Variants in ZFP42 observed in about 807,000 individuals in gnomAD.
The protein encoded by ZFP42 is zinc finger protein 42 homolog.
For missense variants in ZFP42, 438 were observed against 377.1 expected (o/e 1.16, Z -1.34); for synonymous variants, 175 against 144.6 (o/e 1.21, Z -1.51).
intron 1 of ZFP42, among the ~76,000 whole-genome samples, chr4:187,998,057 CTG>C (rs1309774934): frequency 2.0e-5 from 3 of 152,204 alleles, no homozygotes; most frequent in Admixed American, 1.3e-4. Context: ...TAAAAAGAGT[CTG>C]GGCGCGGTGG....
intron 1 of ZFP42, among the ~76,000 whole-genome samples, chr4:187,998,424 A>G (rs898773464): frequency 6.6e-5 from 10 of 152,194 alleles, no homozygotes; most frequent in African/African-American, 1.9e-4. Context: ...ATTTTTAAAT[A>G]AGTTCTAAAA....
At chr4:187,996,672 G>T (rs1340950212) in intron 1 of ZFP42, among the ~76,000 whole-genome samples, 4 of 152,086 alleles carry the variant, frequency 2.6e-5, no homozygotes, top group Non-Finnish European at 5.9e-5. Context: ...GAGCTGCAGG[G>T]CGAGGGGGTG....
intron 1 of ZFP42, among the ~76,000 whole-genome samples, chr4:187,997,006 CGTGGAGCG>C (rs1733607672): frequency 1.3e-4 from 9 of 68,470 alleles, no homozygotes; most frequent in African/African-American, 5.3e-4. Flanking sequence ...GAGCATGGAG[CGTGGAGCG>C]TGGAGCATGG....
At position 187,996,996 on chromosome 4, in the gene ZFP42, G is replaced by A. The variant is rs1431477696; in HGVS notation, c.-339+1156G>A. ...GCCCGCCATAGCTGTAGGGAGCATG[G>A]AGCATGGAGCGTGGAGCGTGGAGCA... On this transcript the variant is annotated intron_variant, in intron 1 of 3. Transcript: ENST00000326866. 5.3e-4 allele frequency among the ~76,000 whole-genome samples: 17 copies of A among 32,036 alleles called. No individual in the cohort carries two copies. The African/African-American group carries it at 6.9e-3, about 13-fold the overall frequency. 21.0% of individuals were successfully genotyped at this position (32,036 alleles called of 152,430 possible). A position where few individuals can be genotyped will look rare whatever the true frequency, so the allele number is the denominator to read the frequency against.
chr4:188,003,381 CAG>C lies in ZFP42; in HGVS notation c.577_578del (p.Ser193TrpfsTer4), dbSNP rs1244871240. Reference protein sequence around the residue: ...YDSLSAIACPQSGCTRKLRNR... With the variant: ...YDSLSAIACPXSGCTRKLRNR... ...CAGTCTGAGCGCAATCGCTTGTCCT[CAG>C]AGTGGATGCACTAGGAAGTTGAGGA... is the stretch of plus-strand genomic sequence containing the variant. On this transcript the variant is annotated frameshift_variant, in exon 4 of 4. Coordinates refer to ENST00000326866, the MANE Select transcript of ZFP42 (RefSeq NM_174900.5). LOFTEE classifies it low-confidence loss of function (END_TRUNC). The C allele has an allele frequency of 6.2e-7, 1 of 1,613,978 alleles. No homozygotes were observed. Among genetic ancestry groups the C allele is most frequent in the African/African-American group, 1.3e-5 (1 of 74,910 alleles).
At chr4:187,999,837 G>A (rs897758254) in intron 3 of ZFP42, among the ~76,000 whole-genome samples, 152 bp downstream of exon 3, 5 of 152,230 alleles carry the variant, frequency 3.3e-5, no homozygotes, top group African/African-American at 1.2e-4. Flanking sequence ...GTATGGATGG[G>A]AAGCAAGCCT....
intron 1 of ZFP42, among the ~76,000 whole-genome samples, 185 bp downstream of exon 1, chr4:187,996,025 T>C: frequency 6.6e-6 from 1 of 152,212 alleles, no homozygotes; most frequent in East Asian, 1.9e-4. Flanking sequence ...GACCCGTGGC[T>C]GGCCACTGGC....
intron 1 of ZFP42, among the ~76,000 whole-genome samples, chr4:187,998,614 T>G (rs181649946): frequency 6.6e-6 from 1 of 152,296 alleles, no homozygotes; most frequent in East Asian, 1.9e-4. Context: ...GTATTTCTTC[T>G]GTTTGGATAT....
chr4:188,003,545 G>T lies in ZFP42; in HGVS notation c.738G>T (p.Arg246=), dbSNP rs1197493364. 6.2e-7 allele frequency: 1 copy of T among 1,613,682 alleles called. No homozygotes were observed. The highest frequency in any genetic ancestry group is 1.7e-5 in the Admixed American group (1 of 60,016). The change falls in exon 4 of 4, where the codon CGG becomes CGT. Residue 246 remains arginine, a synonymous_variant. Transcript: ENST00000326866. ...FLVHTGEKPF[R]CTFEGCGKRF... ...TTCATACTGGAGAGAAGCCGTTTCG[G>T]TGCACTTTTGAAGGGTGCGGAAAGC...
Position 188,003,332 on chromosome 4 carries a change from GC to G in ZFP42, c.531del (p.Ile178Ter), listed in dbSNP as rs1403527187. 2 of 1,613,986 alleles carry G rather than the reference GC, an allele frequency of 1.2e-6. No homozygotes were observed. The highest frequency in any genetic ancestry group is 1.7e-5 in the Admixed American group (1 of 59,986). ...AGCTCGCAGAATTTGCTAGAAAGAA[GC>G]CCCCCATAAATAAAGAATATGACAG... ...KQLAEFARKKPPINKEYDSLS... is the reference protein window; with the variant it reads ...KQLAEFARKKXPINKEYDSLS... On this transcript the variant is annotated frameshift_variant, in exon 4 of 4. Transcript: ENST00000326866. LOFTEE classifies it low-confidence loss of function (END_TRUNC).
chr4:187,997,556 C>A (rs953843370), intron 1 of ZFP42, among the ~76,000 whole-genome samples: 1 of 151,778 alleles, frequency 6.6e-6, no homozygotes, highest in East Asian at 1.9e-4. Flanking sequence ...TTTTTAATAG[C>A]ATTTTTCTCA....
At chr4:187,996,987 G>GGGAGCATGGAGCATGGATCGTGGAGCGT (rs1733600867) in intron 1 of ZFP42, among the ~76,000 whole-genome samples, 1 of 58,912 alleles carries the variant, frequency 1.7e-5, no homozygotes, top group Non-Finnish European at 3.0e-5. Flanking sequence ...CATAGCTGTA[G>GGGAGCATGGAGCATGGATCGTGGAGCGT]GGAGCATGGA....
At chr4:188,001,631 G>A (rs1331227567) in intron 3 of ZFP42, among the ~76,000 whole-genome samples, 3 of 152,192 alleles carry the variant, frequency 2.0e-5, no homozygotes, top group African/African-American at 4.8e-5. Flanking sequence ...GTGCTACAAC[G>A]GCAAAGTTGA....
chr4:187,997,556 C>G (rs953843370), intron 1 of ZFP42, among the ~76,000 whole-genome samples: 5 of 151,664 alleles, frequency 3.3e-5, no homozygotes, highest in African/African-American at 1.2e-4. Context: ...TTTTTAATAG[C>G]ATTTTTCTCA....
At chr4:187,999,544 A>T (rs1040395383) in intron 2 of ZFP42, 65 bp from the exon 3 acceptor site, 2 of 152,254 alleles carry the variant, frequency 1.3e-5, no homozygotes, top group African/African-American at 4.8e-5. Flanking sequence ...GTAATTATAT[A>T]GGGTTGTTAA....
intron 3 of ZFP42, among the ~76,000 whole-genome samples, chr4:188,000,428 TGTC>T (rs1179106735): frequency 6.6e-6 from 1 of 152,132 alleles, no homozygotes; most frequent in Non-Finnish European, 1.5e-5. Flanking sequence ...GTCGCTCTGT[TGTC>T]CAGGCTGGAG....
In ZFP42 at chr4:188,004,219, A is replaced by T. The variant is rs946772857; in HGVS notation, c.*479A>T. On this transcript the variant is annotated 3_prime_UTR_variant, in exon 4 of 4. Coordinates refer to ENST00000326866, the MANE Select transcript of ZFP42 (RefSeq NM_174900.5). ...TCCCAACACTTTGTTGGGAGGCCAA[A>T]GCAGGAGGATAGCTTGAGGCCAGGA... is the stretch of plus-strand genomic sequence containing the variant. The T allele has an allele frequency of 1.8e-5, 3 of 168,492 alleles. No homozygotes were observed. Among genetic ancestry groups the T allele is most frequent in the African/African-American group, 7.2e-5 (3 of 41,476 alleles). The allele number at this position is 168,492 out of a possible 1,614,324, so 10.4% of individuals were successfully genotyped here. A position where few individuals can be genotyped will look rare whatever the true frequency, so the allele number is the denominator to read the frequency against.
At chr4:188,001,785 A>G (rs1733831963) in intron 3 of ZFP42, among the ~76,000 whole-genome samples, 1 of 152,214 alleles carries the variant, frequency 6.6e-6, no homozygotes, top group South Asian at 2.1e-4. Flanking sequence ...TAATAAAATA[A>G]CACGAGCTCA....
Position 188,004,199 on chromosome 4 carries a change from A to C in ZFP42, c.*459A>C. 1 of 169,782 alleles carries C rather than the reference A, an allele frequency of 5.9e-6. No homozygotes were observed. 10.5% of individuals were successfully genotyped at this position (169,782 alleles called of 1,614,324 possible). A position where few individuals can be genotyped will look rare whatever the true frequency, so the allele number is the denominator to read the frequency against. On this transcript the variant is annotated 3_prime_UTR_variant, in exon 4 of 4. Coordinates refer to ENST00000326866, the MANE Select transcript of ZFP42 (RefSeq NM_174900.5). ...ATAGTGACTGATGCCTGTAATCCCA[A>C]CACTTTGTTGGGAGGCCAAAGCAGG...
Sources: allele counts gnomAD v4.1 joint callset (sites outside exome capture counted in the v4.1 genomes callset), GRCh38; gene constraint gnomAD v4.1.1; transcripts MANE v1.5; gene names NCBI Gene and HGNC (gene_info 2026-07-23, HGNC 2026-07-21).